Variants in DSCAML1 observed in about 807,000 individuals in gnomAD.
DSCAML1 encodes cell adhesion molecule DSCAML1.
In DSCAML1, 38 loss-of-function variants were observed where a neutral mutation model predicts 200.5. The ratio of observed to expected loss-of-function variants is 0.19; its 90% CI spans 0.15 to 0.25. The LOEUF (loss-of-function observed/expected upper bound fraction) is 0.25. DSCAML1 is among the 10% of genes least tolerant of loss of function. DSCAML1 has a pLI of 1.00. For synonymous variants in DSCAML1, 1,215 were observed against 1,165.0 expected (o/e 1.04, Z -0.87); for missense variants, 2,223 against 2,858.8 (o/e 0.78, Z 5.07).
chr11:117,750,317 C>T (rs2054586763), intron 3 of DSCAML1, among the ~76,000 whole-genome samples: 1 of 152,146 alleles, frequency 6.6e-6, no homozygotes, highest in Admixed American at 6.5e-5. Context: ...CTTTGTCGGA[C>T]CCAGGTTAGG....
chr11:117,777,036 T>A (rs1307454458), intron 2 of DSCAML1, 99 bp from the exon 3 acceptor site: 1 of 1,278,000 alleles, frequency 7.8e-7, no homozygotes, highest in African/African-American at 1.5e-5. Flanking sequence ...CCTCTGCTCC[T>A]TCAGCCTCAC....
chr11:117,611,492 G>A (rs984518562), intron 3 of DSCAML1: 3 of 152,130 alleles, frequency 2.0e-5, no homozygotes, highest in Non-Finnish European at 4.4e-5. Context: ...TGATCACTGT[G>A]GTCTTCCCAA....
intron 3 of DSCAML1, among the ~76,000 whole-genome samples, chr11:117,664,821 T>A (rs950143835): frequency 3.9e-5 from 6 of 152,186 alleles, no homozygotes; most frequent in African/African-American, 1.4e-4. Context: ...CCCATGATGG[T>A]GGAGTTCCAC....
At chr11:117,678,166 C>A (rs1366836464) in intron 3 of DSCAML1, among the ~76,000 whole-genome samples, 1 of 152,194 alleles carries the variant, frequency 6.6e-6, no homozygotes, top group Non-Finnish European at 1.5e-5. Flanking sequence ...ACCCTTTCAC[C>A]CTCTTCCTCT....
At chr11:117,487,593 C>T (rs1405489284) in intron 11 of DSCAML1, among the ~76,000 whole-genome samples, 1 of 152,184 alleles carries the variant, frequency 6.6e-6, no homozygotes, top group Non-Finnish European at 1.5e-5. Context: ...TGCGATTTCT[C>T]AGCTCTCTAG....
Position 117,491,240 on chromosome 11 carries a change from G to A in DSCAML1, c.2360-9078C>T, listed in dbSNP as rs77490737. Among the ~76,000 whole-genome samples, 341 of 152,296 alleles carry A rather than the reference G, an allele frequency of 2.2e-3. 3 individuals carry two copies. The highest frequency in any genetic ancestry group is 4.2e-3 in the Non-Finnish European group (287 of 68,022). On this transcript the variant is annotated intron_variant, in intron 11 of 32. Coordinates refer to ENST00000651296, the MANE Select transcript of DSCAML1 (RefSeq NM_020693.4). ...TCACCCCATTCATGGGCATGACTACGATAATAATCATCACAGTCTGTTATA... is the reference window on the plus strand; with the variant it reads ...TCACCCCATTCATGGGCATGACTACAATAATAATCATCACAGTCTGTTATA...
rs1013960142 is a variant in DSCAML1 at position 117,480,830 on chromosome 11, G to A, written c.2657-259C>T. ...TCTGCAGGGATTCCTGTTAGCTGAC[G>A]GCATTTTTCCCCTTCCAACTTCCCC... On this transcript the variant is annotated intron_variant, in intron 13 of 32. Coordinates refer to ENST00000651296, the MANE Select transcript of DSCAML1 (RefSeq NM_020693.4). The surrounding 1 kb of genome is among the most constrained non-coding windows in gnomAD (Gnocchi z 4.1). Among the ~76,000 whole-genome samples the A allele has an allele frequency of 7.9e-5, 12 of 152,098 alleles. No individual in the cohort carries two copies. Among genetic ancestry groups the A allele is most frequent in the Admixed American group, 2.0e-4 (3 of 15,266 alleles).
At chr11:117,817,425 C>G (rs1462367138) in exon 1 of DSCAML1, 1 of 152,374 alleles carries the variant, frequency 6.6e-6, no homozygotes, top group Non-Finnish European at 1.5e-5. Context: ...TGCTCCACTT[C>G]GAGTTCACCT....
chr11:117,455,284 T>G (rs184479706), intron 19 of DSCAML1, among the ~76,000 whole-genome samples: 1 of 152,220 alleles, frequency 6.6e-6, no homozygotes, highest in Non-Finnish European at 1.5e-5. Context: ...GCTGCCCTAG[T>G]ACATAACTTC....
rs149066301 is a variant in DSCAML1, at chr11:117,519,453, C to G, written c.1214-691G>C. Reference sequence around the variant, plus strand: ...TGCCCTGGCTTCCTCACGTGGAACACGGGGATGTAATTATTAACCCTGGCC... The same window carrying G: ...TGCCCTGGCTTCCTCACGTGGAACAGGGGGATGTAATTATTAACCCTGGCC... On this transcript the variant is annotated intron_variant, in intron 6 of 32. Transcript: ENST00000651296. Among the ~76,000 whole-genome samples the G allele has an allele frequency of 6.4e-4, 98 of 152,284 alleles. 1 individual carries two copies. The highest frequency in any genetic ancestry group is 2.4e-3 in the African/African-American group (98 of 41,538).
intron 1 of DSCAML1, among the ~76,000 whole-genome samples, chr11:117,812,225 A>G (rs1464952304): frequency 6.6e-6 from 1 of 151,940 alleles, no homozygotes; most frequent in Admixed American, 6.6e-5. Flanking sequence ...ATCTCATTAA[A>G]ACCTAATCAC....
At chr11:117,478,686 A>G (rs56057635) in intron 14 of DSCAML1, among the ~76,000 whole-genome samples, 15,268 of 152,254 alleles carry the variant, frequency 0.1, 947 homozygotes, top group South Asian at 0.23. Flanking sequence ...TTTATTGCCC[A>G]TGAATTGCAT....
At chr11:117,442,468 T>C (rs369685895) in intron 21 of DSCAML1, among the ~76,000 whole-genome samples, 1 of 152,152 alleles carries the variant, frequency 6.6e-6, no homozygotes, top group African/African-American at 2.4e-5. Context: ...CGCGTGCATA[T>C]GCATGTGTTT....
rs768912247 is a variant in DSCAML1 at position 117,464,891 on chromosome 11, C to G, written c.3265+51G>C. On this transcript the variant is annotated intron_variant, in intron 17 of 32. Coordinates refer to ENST00000651296, the MANE Select transcript of DSCAML1 (RefSeq NM_020693.4). ...CACAAACCCTCTCTGGCAGCCCTGG[C>G]TCTGCCCATGGCAGGAATCTGTGCC... 3 of 1,593,054 alleles carry G rather than the reference C, an allele frequency of 1.9e-6. No individual in the cohort carries two copies. In the South Asian group the frequency reaches 3.4e-5, roughly 18 times the overall value.
At chr11:117,556,924 G>T (rs75470754) in intron 3 of DSCAML1, among the ~76,000 whole-genome samples, 2,442 of 152,278 alleles carry the variant, frequency 0.016, 75 homozygotes, top group African/African-American at 0.054. Context: ...TGGTCTGGTG[G>T]GGTGGAGGAT....
chr11:117,433,406 A>G (rs747434149), intron 28 of DSCAML1, 35 bp downstream of exon 28: 17 of 1,612,448 alleles, frequency 1.1e-5, no homozygotes, highest in Non-Finnish European at 1.4e-5. Flanking sequence ...AGAGGGGAGA[A>G]GGGAGGAGAA....
intron 3 of DSCAML1, among the ~76,000 whole-genome samples, chr11:117,665,857 A>C (rs574866741): frequency 4.6e-5 from 7 of 152,166 alleles, no homozygotes; most frequent in African/African-American, 1.7e-4. Flanking sequence ...AAAGGAAAGA[A>C]ACAGGGATCT....
chr11:117,617,175 C>T (rs537367932), intron 3 of DSCAML1, among the ~76,000 whole-genome samples: 1 of 152,224 alleles, frequency 6.6e-6, no homozygotes, highest in Admixed American at 6.5e-5. Context: ...AGTCACACAG[C>T]TGGTAAGGGG....
intron 27 of DSCAML1, 127 bp downstream of exon 27, chr11:117,435,517 G>T: frequency 8.9e-7 from 1 of 1,129,890 alleles, no homozygotes; most frequent in Non-Finnish European, 1.2e-6. Context: ...CTGAGTGGCT[G>T]CTCCTCCTTC....
Sources: allele counts gnomAD v4.1 joint callset (sites outside exome capture counted in the v4.1 genomes callset), GRCh38; gene constraint gnomAD v4.1.1; non-coding constraint Gnocchi (gnomAD v3.1); transcripts MANE v1.5; gene names NCBI Gene and HGNC (gene_info 2026-07-23, HGNC 2026-07-21).